The following MICAL2 variants were observed in gnomAD, a reference collection of about 807,000 sequenced individuals.
The protein encoded by MICAL2 is [F-actin]-monooxygenase MICAL2.
In MICAL2, 77 loss-of-function variants were observed where a neutral mutation model predicts 127.3. The ratio of observed to expected loss-of-function variants is 0.60; its 90% CI spans 0.50 to 0.73. The LOEUF (loss-of-function observed/expected upper bound fraction) is 0.73. MICAL2 is among the 30% of genes least tolerant of loss of function. The pLI is 0.00. For missense variants in MICAL2, 1,351 were observed against 1,434.4 expected, an observed-to-expected ratio of 0.94 and a Z score of 0.94; for synonymous variants, 570 against 551.1, an observed-to-expected ratio of 1.03 and a Z score of -0.48.
chr11:12,170,015 C>T (rs1012295842), intron 3 of MICAL2, among the ~76,000 whole-genome samples: 3 of 152,132 alleles, frequency 2.0e-5, no homozygotes, highest in African/African-American at 7.2e-5. Flanking sequence ...TTGAATGGGG[C>T]CACTGGGTGA....
chr11:12,114,422 G>A (rs1038178166), intron 1 of MICAL2, among the ~76,000 whole-genome samples: 6 of 152,200 alleles, frequency 3.9e-5, no homozygotes, highest in Non-Finnish European at 8.8e-5. Context: ...TTGTTTGAAC[G>A]AGGATCCAGT....
intron 1 of MICAL2, chr11:12,280,814 G>A (rs1451390221): frequency 7.5e-6 from 3 of 397,400 alleles, no homozygotes; most frequent in Admixed American, 4.4e-5. Flanking sequence ...TGGGCACACA[G>A]GACTAAGCCC....
downstream of MICAL2, chr11:12,294,797 GCTCCTCCTCCTC>G (rs3841216): frequency 2.3e-3 from 3,399 of 1,500,244 alleles, 7 homozygotes; most frequent in Non-Finnish European, 2.7e-3. Flanking sequence ...GCGCCAGGCA[GCTCCTCCTCCTC>G]CTCCTCCTCC....
At chr11:12,240,323 T>C (rs1423869720) in intron 17 of MICAL2, among the ~76,000 whole-genome samples, 1 of 152,234 alleles carries the variant, frequency 6.6e-6, no homozygotes, top group African/African-American at 2.4e-5. Context: ...GGTGCTGTTG[T>C]CACATTACAG....
intron 22 of MICAL2, among the ~76,000 whole-genome samples, chr11:12,250,512 T>C (rs1861402415): frequency 6.6e-6 from 1 of 152,212 alleles, no homozygotes; most frequent in African/African-American, 2.4e-5. Flanking sequence ...ATGAAGAAGT[T>C]GAGGCTCACA....
chr11:12,111,569 G>A (rs1849610266), intron 1 of MICAL2, among the ~76,000 whole-genome samples: 2 of 152,260 alleles, frequency 1.3e-5, no homozygotes. Flanking sequence ...CCAGAGTAGT[G>A]TGCCTCCTTC....
chr11:12,177,097 G>A (rs545743584), intron 3 of MICAL2, among the ~76,000 whole-genome samples: 10 of 152,262 alleles, frequency 6.6e-5, no homozygotes, highest in African/African-American at 2.4e-4. Flanking sequence ...TTTTCAAGTA[G>A]TTGTACCATT....
downstream of MICAL2, among the ~76,000 whole-genome samples, chr11:12,287,764 G>A (rs1047121095): frequency 6.6e-6 from 1 of 152,196 alleles, no homozygotes; most frequent in African/African-American, 2.4e-5. Flanking sequence ...CAGTGAACAC[G>A]CACAGTCTCA....
intron 7 of MICAL2, 48 bp downstream of exon 7, chr11:12,213,458 A>C (rs1388593667): frequency 6.3e-7 from 1 of 1,586,702 alleles, no homozygotes; most frequent in East Asian, 2.2e-5. Flanking sequence ...TAAAGTTTGC[A>C]GTTTCTAAAG....
chr11:12,124,448 C>T (rs1850749417), intron 1 of MICAL2, among the ~76,000 whole-genome samples: 1 of 152,160 alleles, frequency 6.6e-6, no homozygotes, highest in South Asian at 2.1e-4. Context: ...TCAAGTGCTT[C>T]ATCAAAAAGG....
chr11:12,303,671 C>T (rs929372826), intron 29 of MICAL2: 2 of 152,194 alleles, frequency 1.3e-5, no homozygotes, highest in African/African-American at 4.8e-5. Context: ...TTTAGATATT[C>T]TTCTGTCAGA....
intron 13 of MICAL2, chr11:12,225,482 T>G (rs1857300231): frequency 6.6e-6 from 1 of 151,908 alleles, no homozygotes; most frequent in African/African-American, 2.4e-5. Flanking sequence ...CTTAGGAGGA[T>G]GGACCGTCTT....
Position 12,242,769 on chromosome 11 carries a change from G to T in MICAL2, c.2655G>T (p.Pro885=). 6.2e-7 allele frequency: 1 copy of T among 1,604,590 alleles called. No homozygotes were observed. The highest frequency in any genetic ancestry group is 8.5e-7 in the Non-Finnish European group (1 of 1,176,604). Residue 885 remains proline, a synonymous_variant, in exon 20 of 28, where the codon CCG becomes CCT. Coordinates refer to ENST00000683283, the MANE Select transcript of MICAL2 (RefSeq NM_001282663.2). Reference sequence around the variant, plus strand: ...CCATGTTTGGACACGGGGATTTCCCGCAGGTAAACATGGGGCTTTCAGAGC... The same window carrying T: ...CCATGTTTGGACACGGGGATTTCCCTCAGGTAAACATGGGGCTTTCAGAGC... ...LASMFGHGDF[P]QNKLLSKGLS... is the part of the protein sequence containing the mutation.
intron 32 of MICAL2, among the ~76,000 whole-genome samples, chr11:12,339,755 A>G (rs370728305): frequency 7.2e-5 from 11 of 152,180 alleles, no homozygotes; most frequent in African/African-American, 2.4e-4. Context: ...TGGCTGCAGA[A>G]CAGCGGATAT....
chr11:12,230,721 C>CCG (rs1554991878), intron 15 of MICAL2, among the ~76,000 whole-genome samples: 1 of 151,794 alleles, frequency 6.6e-6, no homozygotes, highest in South Asian at 2.1e-4. Flanking sequence ...CTTTCCCCCC[C>CCG]CATCTTATTT....
At chr11:12,221,976 T>C (rs1856864850) in intron 10 of MICAL2, among the ~76,000 whole-genome samples, 1 of 152,190 alleles carries the variant, frequency 6.6e-6, no homozygotes, top group South Asian at 2.1e-4. Flanking sequence ...GGCCAGGACC[T>C]TGGGCCCTGG....
intron 2 of MICAL2, among the ~76,000 whole-genome samples, chr11:12,157,398 T>C (rs1186382246): frequency 1.3e-5 from 2 of 152,170 alleles, no homozygotes; most frequent in African/African-American, 2.4e-5. Context: ...CCCTTAATTA[T>C]AATTTTTAGC....
chr11:12,313,109 A>G (rs1036719025), intron 29 of MICAL2, among the ~76,000 whole-genome samples: 8 of 135,854 alleles, frequency 5.9e-5, no homozygotes, highest in Non-Finnish European at 9.2e-5. Context: ...CGGAGCTTGC[A>G]GTGAGCCGAG....
intron 16 of MICAL2, among the ~76,000 whole-genome samples, chr11:12,237,444 G>C (rs1859242164): frequency 6.6e-6 from 1 of 152,176 alleles, no homozygotes; most frequent in Non-Finnish European, 1.5e-5. Context: ...ACGGGTGTCA[G>C]CTCTCTAGCT....
Sources: gnomAD v4.1 joint callset for allele counts (sites outside exome capture counted in the v4.1 genomes callset) on GRCh38, gnomAD v4.1.1 for gene constraint, MANE v1.5 for transcripts, NCBI Gene and HGNC (gene_info 2026-07-23, HGNC 2026-07-21) for gene names.